The following DYRK1A variants were observed in gnomAD, a reference collection of about 807,000 sequenced individuals.
DYRK1A encodes the protein dual specificity tyrosine-phosphorylation-regulated kinase 1A.
In DYRK1A, 9 loss-of-function variants were observed where a neutral mutation model predicts 79.7. The observed-to-expected ratio is 0.11, with a 90% CI of 0.07 to 0.20. The LOEUF (loss-of-function observed/expected upper bound fraction) is 0.20. Among genes scored for constraint, DYRK1A ranks in the 10% least tolerant of loss-of-function variants. The probability of loss-of-function intolerance (pLI) is 1.00; values close to 1 mark genes in which losing one functional copy is unlikely to be tolerated. For missense variants in DYRK1A, 622 were observed against 956.0 expected, an observed-to-expected ratio of 0.65 and a Z score of 4.61; for synonymous variants, 349 against 329.7, an observed-to-expected ratio of 1.06 and a Z score of -0.63.
intron 2 of DYRK1A, among the ~76,000 whole-genome samples, chr21:37,461,576 A>G (rs1287028989): frequency 6.6e-6 from 1 of 152,198 alleles, no homozygotes; most frequent in Non-Finnish European, 1.5e-5. Flanking sequence ...TACTGTTGAC[A>G]AATTCTTTCA....
intron 11 of DYRK1A, among the ~76,000 whole-genome samples, chr21:37,509,598 C>T (rs893283557): frequency 1.3e-5 from 2 of 152,132 alleles, no homozygotes; most frequent in Non-Finnish European, 2.9e-5. Flanking sequence ...GATTGTGTCC[C>T]AGCACACCCT....
At chr21:37,498,810 C>CA (rs2053353269) in intron 9 of DYRK1A, among the ~76,000 whole-genome samples, 2 of 152,198 alleles carry the variant, frequency 1.3e-5, no homozygotes. Flanking sequence ...AGTTGCGTGA[C>CA]ATCCTCACCA....
intron 1 of DYRK1A, among the ~76,000 whole-genome samples, chr21:37,394,686 C>G (rs1424673269): frequency 1.3e-5 from 2 of 152,180 alleles, no homozygotes; most frequent in South Asian, 2.1e-4. Context: ...TTATGAGAAT[C>G]TAACTGATGA....
At chr21:37,470,014 G>A (rs1338968659) in intron 2 of DYRK1A, among the ~76,000 whole-genome samples, 1 of 152,118 alleles carries the variant, frequency 6.6e-6, no homozygotes, top group East Asian at 1.9e-4. Context: ...CGTGGTGGTG[G>A]GCACCTGTAG....
chr21:37,504,365 C>T lies in DYRK1A; in HGVS notation c.1213-918C>T, dbSNP rs968368264. Reference sequence around the variant, plus strand: ...GTTCAGACTTGGGCTGGAGTCTTCTCGCTCATCTGTGGCTTACTTGCGCCT... The same window carrying T: ...GTTCAGACTTGGGCTGGAGTCTTCTTGCTCATCTGTGGCTTACTTGCGCCT... On this transcript the variant is annotated intron_variant, in intron 9 of 11. Transcript: ENST00000647188. 6 of 152,414 alleles carry T rather than the reference C, an allele frequency of 3.9e-5. No individual in the cohort carries two copies. The East Asian group carries it at 7.7e-4, about 20-fold the overall frequency. 9.4% of individuals were successfully genotyped at this position (152,414 alleles called of 1,614,324 possible). A position where few individuals can be genotyped will look rare whatever the true frequency, so the allele number is the denominator to read the frequency against.
In DYRK1A at chr21:37,493,113, A is replaced by G; in HGVS notation, c.1021A>G (p.Ile341Val). Residue 341 changes from isoleucine (I) to valine (V), a missense_variant, in exon 8 of 12, where the codon ATT (isoleucine) becomes GTT (valine). Ile to Val is a conservative substitution (Grantham distance 29). Around this residue, in one of 5 missense-constraint regions of DYRK1A, gnomAD observed 138 missense variants for 346.4 expected, o/e 0.40. Transcript: ENST00000647188. Reference protein sequence around the residue: ...LAIDMWSLGCILVEMHTGEPL... With the variant: ...LAIDMWSLGCVLVEMHTGEPL... ...CATTGATATGTGGTCCCTCGGGTGT[A>G]TTTTGGTTGAAATGCACACTGGAGA... 1 of 1,585,828 alleles carries G rather than the reference A, an allele frequency of 6.3e-7. No homozygotes were observed. Among genetic ancestry groups the G allele is most frequent in the Non-Finnish European group, 8.6e-7 (1 of 1,163,092 alleles).
chr21:37,445,032 C>G (rs2051223657), intron 2 of DYRK1A, among the ~76,000 whole-genome samples: 1 of 152,056 alleles, frequency 6.6e-6, no homozygotes, highest in Non-Finnish European at 1.5e-5. Flanking sequence ...AGAAAGGTGC[C>G]CCAGGGACAC....
chr21:37,473,725 C>T (rs572611411), intron 3 of DYRK1A, among the ~76,000 whole-genome samples: 1 of 152,082 alleles, frequency 6.6e-6, no homozygotes, highest in East Asian at 1.9e-4. Flanking sequence ...TATATTAAAA[C>T]GTGTTTGTAA....
At chr21:37,436,482 GGGCTGT>G (rs2050927939) in intron 2 of DYRK1A, among the ~76,000 whole-genome samples, 1 of 152,138 alleles carries the variant, frequency 6.6e-6, no homozygotes, top group South Asian at 2.1e-4. Flanking sequence ...GTTGGAAGCA[GGGCTGT>G]CCACTTTTTG....
chr21:37,397,625 T>C (rs987633341), intron 1 of DYRK1A, among the ~76,000 whole-genome samples: 7 of 152,314 alleles, frequency 4.6e-5, no homozygotes, highest in Middle Eastern at 3.4e-3. Context: ...ACCAGGCCTC[T>C]TGGGCTCCAA....
chr21:37,440,130 C>CTT (rs1164986221), intron 2 of DYRK1A, among the ~76,000 whole-genome samples: 754 of 37,706 alleles, frequency 0.02, 122 homozygotes, highest in African/African-American at 0.046. Flanking sequence ...TTGTTTGCTC[C>CTT]TTTTTTTTTT....
In DYRK1A at chr21:37,516,916, C is replaced by G. The variant is rs776925072; in HGVS notation, c.*4385C>G. ...GAAACACAACTAGAATGCTACAGGTCTCTCTTCCAGTATGCAGCTGCTGTA... is the reference window on the plus strand; with the variant it reads ...GAAACACAACTAGAATGCTACAGGTGTCTCTTCCAGTATGCAGCTGCTGTA... On this transcript the variant is annotated 3_prime_UTR_variant, in exon 12 of 12. Coordinates refer to ENST00000647188, the MANE Select transcript of DYRK1A (RefSeq NM_001347721.2). 6.6e-6 allele frequency: 1 copy of G among 152,194 alleles called. No individual in the cohort carries two copies. Among genetic ancestry groups the G allele is most frequent in the Non-Finnish European group, 1.5e-5 (1 of 68,042 alleles). 9.4% of individuals were successfully genotyped at this position (152,194 alleles called of 1,614,324 possible).
At chr21:37,492,345 A>G (rs1331308465) in intron 7 of DYRK1A, among the ~76,000 whole-genome samples, 1 of 152,232 alleles carries the variant, frequency 6.6e-6, no homozygotes, top group Non-Finnish European at 1.5e-5. Context: ...ACTTTTAATA[A>G]GTGAAACAAA....
At chr21:37,400,319 C>T (rs549714636) in intron 1 of DYRK1A, among the ~76,000 whole-genome samples, 11 of 152,238 alleles carry the variant, frequency 7.2e-5, no homozygotes, top group African/African-American at 2.4e-4. Flanking sequence ...CCTGCAAAGA[C>T]CTGTTTTTCC....
At chr21:37,393,767 C>T (rs531273616) in intron 1 of DYRK1A, among the ~76,000 whole-genome samples, 7 of 152,358 alleles carry the variant, frequency 4.6e-5, no homozygotes, top group South Asian at 4.1e-4. Flanking sequence ...CTCCATCCCA[C>T]GTGGCATCTG....
intron 1 of DYRK1A, chr21:37,368,059 C>A: frequency 6.5e-6 from 1 of 152,902 alleles, no homozygotes; most frequent in Non-Finnish European, 1.5e-5. Flanking sequence ...GGACAATGCA[C>A]GGGTTAAGAA....
At chr21:37,395,644 G>C (rs1260046555) in intron 1 of DYRK1A, among the ~76,000 whole-genome samples, 4 of 152,052 alleles carry the variant, frequency 2.6e-5, no homozygotes, top group Admixed American at 6.6e-5. Flanking sequence ...GAATTACTCT[G>C]GCATAGTACC....
chr21:37,397,219 A>G (rs1455737194), intron 1 of DYRK1A, among the ~76,000 whole-genome samples: 2 of 152,160 alleles, frequency 1.3e-5, no homozygotes, highest in Non-Finnish European at 2.9e-5. Flanking sequence ...TACCATTACT[A>G]TGGAAGATGA....
intron 1 of DYRK1A, among the ~76,000 whole-genome samples, chr21:37,371,129 C>G (rs1379118100): frequency 6.6e-6 from 1 of 152,194 alleles, no homozygotes; most frequent in African/African-American, 2.4e-5. Flanking sequence ...TCCTCAGTTG[C>G]TCCCAAATGA....
Sources: gnomAD v4.1 joint callset for allele counts (sites outside exome capture counted in the v4.1 genomes callset) on GRCh38, gnomAD v4.1.1 for gene constraint, gnomAD v4.1.1 regional missense constraint, MANE v1.5 for transcripts, NCBI Gene and HGNC (gene_info 2026-07-23, HGNC 2026-07-21) for gene names.